The following OPCML variants were observed in gnomAD, a reference collection of about 807,000 sequenced individuals.
OPCML encodes opioid-binding protein/cell adhesion molecule.
In OPCML, 13 loss-of-function variants were observed where a neutral mutation model predicts 37.8. The observed-to-expected ratio is 0.34, with a 90% CI of 0.22 to 0.55. The LOEUF is 0.55. Ranked by LOEUF, OPCML falls within the 20% of genes least tolerant of loss-of-function variation. The pLI is 0.91. For missense variants in OPCML, 341 were observed against 435.6 expected (o/e 0.78, Z 1.93); for synonymous variants, 176 against 168.8 (o/e 1.04, Z -0.33).
At chr11:132,731,038 G>A (rs1049382865) in intron 2 of OPCML, among the ~76,000 whole-genome samples, 2 of 152,228 alleles carry the variant, frequency 1.3e-5, no homozygotes. Flanking sequence ...ATCTAGAGCT[G>A]TGCAGTTCAG....
intron 1 of OPCML, among the ~76,000 whole-genome samples, chr11:133,436,354 G>A (rs1340555851): frequency 2.0e-5 from 3 of 152,172 alleles, no homozygotes; most frequent in Non-Finnish European, 2.9e-5. Context: ...TGAGGCAACG[G>A]GTAAGGAACC....
intron 1 of OPCML, among the ~76,000 whole-genome samples, chr11:133,458,600 T>TGTGTGTACACATATATACAC (rs1591523898): frequency 2.6e-5 from 3 of 116,526 alleles, no homozygotes; most frequent in Non-Finnish European, 4.7e-5. Context: ...TATACACGTG[T>TGTGTGTACACATATATACAC]GTGTGTGTAT....
chr11:133,486,852 TTC>T (rs10638959), intron 1 of OPCML, among the ~76,000 whole-genome samples: 1 of 141,770 alleles, frequency 7.1e-6, no homozygotes, highest in Admixed American at 7.0e-5. Context: ...CCCTTCTCTC[TTC>T]TCTCTCTCTC....
intron 1 of OPCML, among the ~76,000 whole-genome samples, chr11:132,986,257 C>T (rs968205979): frequency 2.6e-5 from 4 of 152,080 alleles, no homozygotes; most frequent in African/African-American, 9.7e-5. Flanking sequence ...TGACTAGATT[C>T]CTTGAGATTA....
intron 1 of OPCML, among the ~76,000 whole-genome samples, chr11:132,991,233 A>G (rs1438098561): frequency 6.6e-6 from 1 of 152,232 alleles, no homozygotes; most frequent in Non-Finnish European, 1.5e-5. Flanking sequence ...AGAACAGGAC[A>G]TCAATTTTCA....
intron 1 of OPCML, among the ~76,000 whole-genome samples, chr11:133,434,281 T>C (rs1169222750): frequency 6.6e-6 from 1 of 152,178 alleles, no homozygotes; most frequent in Non-Finnish European, 1.5e-5. Flanking sequence ...GACATATTTC[T>C]AAGTCTTACC....
intron 3 of OPCML, among the ~76,000 whole-genome samples, chr11:132,630,912 C>T (rs1272464590): frequency 6.6e-6 from 1 of 151,968 alleles, no homozygotes; most frequent in Non-Finnish European, 1.5e-5. Flanking sequence ...GTAATATATT[C>T]ATATAATAAA....
At position 132,416,813 on chromosome 11, in the gene OPCML, A is replaced by T. The variant is rs2095940375; in HGVS notation, c.*3380T>A. 1 of 152,620 alleles carries T rather than the reference A, an allele frequency of 6.6e-6. No homozygotes were observed. Among genetic ancestry groups the T allele is most frequent in the South Asian group, 2.1e-4 (1 of 4,830 alleles). The allele number at this position is 152,620 out of a possible 1,614,324, so 9.5% of individuals were successfully genotyped here. On this transcript the variant is annotated 3_prime_UTR_variant, in exon 8 of 8. Coordinates refer to ENST00000524381, the MANE Select transcript of OPCML (RefSeq NM_001012393.5). ...ACTTCTCTACATCTCCCCCTCCCTG[A>T]ATTAAAGCAAGAATGAGAAAAACTA...
intron 1 of OPCML, among the ~76,000 whole-genome samples, chr11:133,130,829 T>G (rs2137136790): frequency 6.6e-6 from 1 of 152,152 alleles, no homozygotes; most frequent in Middle Eastern, 3.4e-3. Context: ...TAAAGAAATT[T>G]AATTAAGAAC....
At chr11:133,446,053 A>G (rs1591509350) in intron 1 of OPCML, among the ~76,000 whole-genome samples, 1 of 152,130 alleles carries the variant, frequency 6.6e-6, no homozygotes, top group East Asian at 1.9e-4. Context: ...AATAGAGCAA[A>G]ACTTTAGAAG....
chr11:132,640,731 G>A (rs1940804410), intron 3 of OPCML, among the ~76,000 whole-genome samples: 1 of 152,180 alleles, frequency 6.6e-6, no homozygotes, highest in African/African-American at 2.4e-5. Context: ...TGGTGTGATA[G>A]AGCCACACCC....
rs895572274 is a variant in OPCML at position 133,335,972 on chromosome 11, C to T, written c.61+196292G>A. Among the ~76,000 whole-genome samples, 3 of 151,992 alleles carry T rather than the reference C, an allele frequency of 2.0e-5. No individual in the cohort carries two copies. In the East Asian group the frequency reaches 5.8e-4, roughly 30 times the overall value. On this transcript the variant is annotated intron_variant, in intron 1 of 7. Coordinates refer to ENST00000524381, the MANE Select transcript of OPCML (RefSeq NM_001012393.5). Reference sequence around the variant, plus strand: ...TCTGTTTGCAAGTAGCAGGACACAGCCACATGTAGAGTCCAATTCCTGAAA... The same window carrying T: ...TCTGTTTGCAAGTAGCAGGACACAGTCACATGTAGAGTCCAATTCCTGAAA...
intron 1 of OPCML, among the ~76,000 whole-genome samples, chr11:133,130,193 A>T (rs1949581728): frequency 6.6e-6 from 1 of 152,104 alleles, no homozygotes; most frequent in African/African-American, 2.4e-5. Flanking sequence ...ATGACAGATT[A>T]GACAATGAAG....
intron 1 of OPCML, among the ~76,000 whole-genome samples, chr11:133,519,083 G>C (rs891472133): frequency 3.3e-5 from 5 of 152,078 alleles, no homozygotes; most frequent in Non-Finnish European, 5.9e-5. Context: ...CTCCCGTTGC[G>C]GGGTGGCTGA....
intron 1 of OPCML, among the ~76,000 whole-genome samples, chr11:133,043,056 C>T (rs141312411): frequency 2.0e-5 from 3 of 152,216 alleles, no homozygotes; most frequent in East Asian, 1.9e-4. Context: ...CCATCTCTGT[C>T]GACTCACCCA....
chr11:132,884,679 C>A (rs1194822270), intron 2 of OPCML, among the ~76,000 whole-genome samples: 4 of 152,158 alleles, frequency 2.6e-5, no homozygotes, highest in East Asian at 1.9e-4. Context: ...TCAGAACAAT[C>A]TTTATAGCTT....
At chr11:133,048,082 A>T (rs971627458) in intron 1 of OPCML, among the ~76,000 whole-genome samples, 1 of 152,116 alleles carries the variant, frequency 6.6e-6, no homozygotes, top group African/African-American at 2.4e-5. Flanking sequence ...ATCGGGTAAG[A>T]CGCATGCATG....
At chr11:132,801,477 A>G (rs897432964) in intron 2 of OPCML, among the ~76,000 whole-genome samples, 10 of 152,216 alleles carry the variant, frequency 6.6e-5, no homozygotes, top group African/African-American at 2.4e-4. Context: ...ACATCTCACT[A>G]CACACCAGAA....
intron 2 of OPCML, among the ~76,000 whole-genome samples, chr11:132,897,560 T>G (rs181028129): frequency 1.3e-5 from 2 of 152,342 alleles, no homozygotes; most frequent in East Asian, 3.9e-4. Context: ...GTCCTCATGA[T>G]CAGCCGACAG....
Sources: gnomAD v4.1 joint callset for allele counts (sites outside exome capture counted in the v4.1 genomes callset) on GRCh38, gnomAD v4.1.1 for gene constraint, MANE v1.5 for transcripts, NCBI Gene and HGNC (gene_info 2026-07-23, HGNC 2026-07-21) for gene names.